KHDRBS1: variants seen among roughly 807,000 people sequenced by gnomAD.
KHDRBS1 encodes KH domain-containing, RNA-binding, signal transduction-associated protein 1.
In KHDRBS1, 7 loss-of-function variants were observed where a neutral mutation model predicts 48.4. The ratio of observed to expected loss-of-function variants is 0.14; its 90% confidence interval spans 0.08 to 0.27. KHDRBS1 has a LOEUF of 0.27. KHDRBS1 is among the 10% of genes least tolerant of loss of function. The probability of loss-of-function intolerance (pLI) is 1.00; values close to 1 mark genes in which losing one functional copy is unlikely to be tolerated. For synonymous variants in KHDRBS1, 241 were observed against 235.8 expected (o/e 1.02, Z -0.20); for missense variants, 458 against 601.2 (o/e 0.76, Z 2.49).
intron 1 of KHDRBS1, among the ~76,000 whole-genome samples, chr1:32,014,982 G>A (rs1309631009): frequency 1.3e-5 from 2 of 152,142 alleles, no homozygotes; most frequent in African/African-American, 2.4e-5. Flanking sequence ...TCAGATTTCC[G>A]ACTAAGGCTG....
chr1:32,016,934 AT>A (rs1638752653), intron 1 of KHDRBS1, among the ~76,000 whole-genome samples: 1 of 152,144 alleles, frequency 6.6e-6, no homozygotes, highest in Non-Finnish European at 1.5e-5. Context: ...AATAATACAT[AT>A]TCACCTTCAT....
chr1:32,030,827 T>A (rs186758040), intron 2 of KHDRBS1, among the ~76,000 whole-genome samples: 1 of 150,464 alleles, frequency 6.6e-6, no homozygotes, highest in East Asian at 1.9e-4. Flanking sequence ...TTTAAGTAAA[T>A]GCTTTTTTTC....
chr1:32,052,362 G>C (rs1363875711), intron 10 of KHDRBS1: 1 of 150,822 alleles, frequency 6.6e-6, no homozygotes, highest in Non-Finnish European at 1.5e-5. Context: ...AAAAAAGAAA[G>C]AAAGAAAAAA....
In KHDRBS1 at chr1:32,037,005, A is replaced by G; in HGVS notation, c.867A>G (p.Arg289=). 6.2e-7 allele frequency: 1 copy of G among 1,614,142 alleles called. No individual in the cohort carries two copies. Among genetic ancestry groups the G allele is most frequent in the Non-Finnish European group, 8.5e-7 (1 of 1,180,004 alleles). ...EPSRGRGVPV[R]GRGAAPPPPP... Reference sequence around the variant, plus strand: ...CTCGTGGACGTGGGGTGCCAGTGAGAGGCCGGGGAGCTGCACCTCCTCCAC... The same window carrying G: ...CTCGTGGACGTGGGGTGCCAGTGAGGGGCCGGGGAGCTGCACCTCCTCCAC... The change falls in exon 5 of 9, where the codon AGA becomes AGG. Residue 289 remains arginine, a synonymous_variant. Transcript: ENST00000327300.
intron 10 of KHDRBS1, among the ~76,000 whole-genome samples, chr1:32,058,630 G>A (rs755426215): frequency 2.0e-5 from 3 of 152,108 alleles, no homozygotes; most frequent in Non-Finnish European, 2.9e-5. Context: ...AAACTTGCTA[G>A]TCTAGGCAAG....
intron 1 of KHDRBS1, among the ~76,000 whole-genome samples, chr1:32,026,627 A>G (rs76096146): frequency 0.012 from 1,895 of 152,346 alleles, 39 homozygotes; most frequent in East Asian, 0.046. Flanking sequence ...TACATTGCAT[A>G]TAAACACACC....
intron 1 of KHDRBS1, among the ~76,000 whole-genome samples, chr1:32,026,122 A>C (rs1037686303): frequency 8.6e-5 from 13 of 151,480 alleles, no homozygotes; most frequent in Non-Finnish European, 1.8e-4. Flanking sequence ...TTCTCTTTTC[A>C]ACCCTCTGTT....
intron 1 of KHDRBS1, among the ~76,000 whole-genome samples, chr1:32,030,072 C>T (rs1418333790): frequency 6.6e-6 from 1 of 152,068 alleles, no homozygotes; most frequent in Admixed American, 6.6e-5. Flanking sequence ...GTTGTCATGG[C>T]TTCAGGTGAG....
intron 1 of KHDRBS1, among the ~76,000 whole-genome samples, chr1:32,021,049 G>A (rs1416138521): frequency 6.6e-6 from 1 of 151,838 alleles, no homozygotes; most frequent in Non-Finnish European, 1.5e-5. Context: ...AAAATGTTAT[G>A]GGGAAAACTA....
Position 32,014,343 on chromosome 1 carries a change from G to A in KHDRBS1, c.348G>A (p.Pro116=), listed in dbSNP as rs745771151. 6.5e-7 allele frequency: 1 copy of A among 1,526,986 alleles called. No homozygotes were observed. The highest frequency in any genetic ancestry group is 8.8e-7 in the Non-Finnish European group (1 of 1,130,174). 94.6% of individuals were successfully genotyped at this position (1,526,986 alleles called of 1,614,324 possible). The change falls in exon 1 of 9, where the codon CCG becomes CCA. Residue 116 remains proline, a synonymous_variant. Coordinates refer to ENST00000327300, the MANE Select transcript of KHDRBS1 (RefSeq NM_006559.3). ...ELMAEKDSLD[P]SFTHAMQLLT... ...TGGCCGAGAAGGACTCGCTCGACCC[G>A]TCCTTCACTCACGCCATGCAGCTGC...
chr1:32,032,230 G>A (rs542801301), intron 3 of KHDRBS1, among the ~76,000 whole-genome samples: 4 of 152,300 alleles, frequency 2.6e-5, no homozygotes, highest in African/African-American at 9.6e-5. Flanking sequence ...CACCAAAACA[G>A]AATAGTCTTA....
Position 32,033,235 on chromosome 1 carries a change from T to C in KHDRBS1, c.672T>C (p.Asn224=). ...KGGDPKYAHL[N]MDLHVFIEVF... is the part of the protein sequence containing the mutation. ...GAGACCCCAAATATGCCCACTTGAA[T>C]ATGGATCTGCATGTCTTCATTGAAG... The change falls in exon 4 of 9, where the codon AAT becomes AAC. Residue 224 remains asparagine, a synonymous_variant. Coordinates refer to ENST00000327300, the MANE Select transcript of KHDRBS1 (RefSeq NM_006559.3). 2 of 1,614,164 alleles carry C rather than the reference T, an allele frequency of 1.2e-6. No homozygotes were observed. Among genetic ancestry groups the C allele is most frequent in the Non-Finnish European group, 1.7e-6 (2 of 1,180,024 alleles).
At chr1:32,038,475 C>T (rs1569806028) in intron 6 of KHDRBS1, 77 bp from the exon 7 acceptor site, 1 of 1,401,142 alleles carries the variant, frequency 7.1e-7, no homozygotes, top group East Asian at 2.4e-5. Context: ...CCTACTTACT[C>T]CCATGGGATG....
chr1:32,024,036 G>A (rs527447413), intron 1 of KHDRBS1, among the ~76,000 whole-genome samples: 7 of 152,346 alleles, frequency 4.6e-5, no homozygotes, highest in African/African-American at 1.7e-4. Context: ...TGGATCACCT[G>A]AGATCAGGAG....
In KHDRBS1 at chr1:32,037,880, A is replaced by C. The variant is rs754209563; in HGVS notation, c.951A>C (p.Thr317=). 1.9e-6 allele frequency: 3 copies of C among 1,614,230 alleles called. No individual in the cohort carries two copies. The highest frequency in any genetic ancestry group is 2.5e-6 in the Non-Finnish European group (3 of 1,180,032). ...CTCGGGGGGCTTTGGTACGTGGTAC[A>C]CCAGTAAGGGGAGCCATCACCAGAG... ...GPPRGALVRG[T]PVRGAITRGA... The change falls in exon 6 of 9, where the codon ACA becomes ACC. Residue 317 remains threonine, a synonymous_variant. Coordinates refer to ENST00000327300, the MANE Select transcript of KHDRBS1 (RefSeq NM_006559.3).
intron 10 of KHDRBS1, among the ~76,000 whole-genome samples, chr1:32,049,773 T>G (rs1639395724): frequency 1.3e-5 from 2 of 151,978 alleles, no homozygotes; most frequent in African/African-American, 2.4e-5. Context: ...GTGATTCTCC[T>G]GCCTCAGCCT....
chr1:32,018,325 G>T (rs1440384412), intron 1 of KHDRBS1, among the ~76,000 whole-genome samples: 1 of 151,880 alleles, frequency 6.6e-6, no homozygotes, highest in East Asian at 2.0e-4. Context: ...CCCTGGTGTG[G>T]TGGTGGGCGC....
At chr1:32,022,612 C>T (rs954549532) in intron 1 of KHDRBS1, among the ~76,000 whole-genome samples, 3 of 151,690 alleles carry the variant, frequency 2.0e-5, no homozygotes, top group South Asian at 2.1e-4. Context: ...TTCAGTTGGC[C>T]GGGCGCGGTG....
chr1:32,038,211 A>T, intron 6 of KHDRBS1, 175 bp downstream of exon 6: 1 of 989,670 alleles, frequency 1.0e-6, no homozygotes, highest in Non-Finnish European at 1.5e-6. Context: ...CATTTTAGGC[A>T]GGGTTTTACT....
Sources: allele counts gnomAD v4.1 joint callset (sites outside exome capture counted in the v4.1 genomes callset), GRCh38; gene constraint gnomAD v4.1.1; transcripts MANE v1.5; gene names NCBI Gene and HGNC (gene_info 2026-07-23, HGNC 2026-07-21).